Variants in CERS4 observed in about 807,000 individuals in gnomAD.
The protein encoded by CERS4 is ceramide synthase 4.
A neutral mutation model predicts 51.8 loss-of-function variants in CERS4; 65 were observed. That is an observed-to-expected ratio of 1.26 (90% CI 1.03 to 1.54). The LOEUF (loss-of-function observed/expected upper bound fraction) is 1.54. Among genes scored for constraint, CERS4 ranks in the 40% most tolerant of loss-of-function variants. The pLI, the probability that CERS4 is intolerant of heterozygous loss-of-function variation, is 0.00. For missense variants in CERS4, 563 were observed against 500.4 expected (o/e 1.13, Z -1.19); for synonymous variants, 228 against 208.4 (o/e 1.09, Z -0.81).
chr19:8,257,267 G>A, intron 9 of CERS4, 190 bp downstream of exon 9: 1 of 611,308 alleles, frequency 1.6e-6, no homozygotes, highest in Non-Finnish European at 2.7e-6. Flanking sequence ...CTGTCTTCCT[G>A]GGTGATGAAG....
rs1392716230 is a variant in CERS4, at chr19:8,262,120, C to T, written c.*11C>T. On this transcript the variant is annotated 3_prime_UTR_variant, in exon 12 of 12. Coordinates refer to ENST00000251363, the MANE Select transcript of CERS4 (RefSeq NM_024552.3). ...ACAACAGCCACATAGCCGGGCGGGG[C>T]TGGCTGTAAGGGGTTGCCCCCCCGC... 1 of 1,450,794 alleles carries T rather than the reference C, an allele frequency of 6.9e-7. No individual in the cohort carries two copies. Among genetic ancestry groups the T allele is most frequent in the Admixed American group, 2.9e-5 (1 of 35,044 alleles). 89.9% of individuals were successfully genotyped at this position (1,450,794 alleles called of 1,614,324 possible).
At chr19:8,242,822 T>C (rs894942408) in intron 2 of CERS4, among the ~76,000 whole-genome samples, 2 of 152,072 alleles carry the variant, frequency 1.3e-5, no homozygotes, top group South Asian at 4.2e-4. Context: ...CTGGTGGGCA[T>C]TGAAGCTGGG....
intron 8 of CERS4, 59 bp downstream of exon 8, chr19:8,256,769 G>T: frequency 1.3e-6 from 2 of 1,583,520 alleles, no homozygotes; most frequent in East Asian, 2.2e-5. Flanking sequence ...GGGGTGCTGG[G>T]GGGTAGGGCA....
intron 2 of CERS4, among the ~76,000 whole-genome samples, chr19:8,213,516 C>T (rs1164887122): frequency 4.6e-5 from 7 of 152,048 alleles, no homozygotes; most frequent in Non-Finnish European, 7.4e-5. Flanking sequence ...CTATGTTGCC[C>T]GGGCTGGTCT....
chr19:8,214,954 GAGGAGGGGGAGGAGGAGAAAA>G (rs1967232078), intron 2 of CERS4, among the ~76,000 whole-genome samples: 1 of 146,080 alleles, frequency 6.8e-6, no homozygotes, highest in Admixed American at 6.9e-5. Flanking sequence ...GGAGGAGAGG[GAGGAGGGGGAGGAGGAGAAAA>G]AGGAAGAGGA....
At chr19:8,221,176 T>C (rs1221864418) in intron 2 of CERS4, among the ~76,000 whole-genome samples, 1 of 151,304 alleles carries the variant, frequency 6.6e-6, no homozygotes, top group Non-Finnish European at 1.5e-5. Context: ...GCTATGTTGC[T>C]CAGGCTGGTC....
At chr19:8,230,970 G>A (rs1171462868) in intron 2 of CERS4, among the ~76,000 whole-genome samples, 1 of 152,102 alleles carries the variant, frequency 6.6e-6, no homozygotes, top group Non-Finnish European at 1.5e-5. Flanking sequence ...CCCCCAAGTA[G>A]CTGGGACTAC....
At chr19:8,244,074 G>A (rs931293663) in intron 2 of CERS4, among the ~76,000 whole-genome samples, 4 of 152,338 alleles carry the variant, frequency 2.6e-5, no homozygotes, top group Admixed American at 6.5e-5. Context: ...TGAAGAAGAC[G>A]GAGGCAGGAG....
intron 2 of CERS4, among the ~76,000 whole-genome samples, chr19:8,221,521 A>C (rs970994417): frequency 6.6e-6 from 1 of 151,788 alleles, no homozygotes; most frequent in Non-Finnish European, 1.5e-5. Flanking sequence ...GTAAACAAAC[A>C]ATGTGAGCCT....
At chr19:8,211,611 G>C (rs1967087254) in intron 2 of CERS4, among the ~76,000 whole-genome samples, 1 of 152,184 alleles carries the variant, frequency 6.6e-6, no homozygotes, top group Non-Finnish European at 1.5e-5. Context: ...TCACGGAGGG[G>C]CTGGGCGTGG....
Position 8,255,816 on chromosome 19 carries a change from C to G in CERS4, c.411-6C>G. 6.2e-7 allele frequency: 1 copy of G among 1,613,966 alleles called. No homozygotes were observed. Among genetic ancestry groups the G allele is most frequent in the South Asian group, 1.1e-5 (1 of 91,084 alleles). ...GCTATTTTCACAGCTCCCTCCCCATCCACAGCTGGAGGTTTCTCTTCTACC... is the reference window on the plus strand; with the variant it reads ...GCTATTTTCACAGCTCCCTCCCCATGCACAGCTGGAGGTTTCTCTTCTACC... On this transcript the variant is annotated splice_polypyrimidine_tract_variant and splice_region_variant and intron_variant, in intron 5 of 11. Coordinates refer to ENST00000251363, the MANE Select transcript of CERS4 (RefSeq NM_024552.3).
At position 8,256,270 on chromosome 19, in the gene CERS4, A is replaced by G; in HGVS notation, c.503A>G (p.Asp168Gly). 1 of 1,613,574 alleles carries G rather than the reference A, an allele frequency of 6.2e-7. No homozygotes were observed. Among genetic ancestry groups the G allele is most frequent in the Non-Finnish European group, 8.5e-7 (1 of 1,179,816 alleles). ...CTGTGGGCACCAGTAATGTGCTGGG[A>G]CAGGTACCCAAACCAGGTGAGTGGC... The part of the protein sequence containing the change: ...SWLWAPVMCW[D>G]RYPNQTLKPS... The change falls in exon 7 of 12, where the codon GAC (aspartate) becomes GGC (glycine). Residue 168 changes from aspartate (D) to glycine (G), a missense_variant. Transcript: ENST00000251363.
intron 2 of CERS4, among the ~76,000 whole-genome samples, chr19:8,232,112 G>A (rs1302896617): frequency 6.6e-6 from 1 of 151,592 alleles, no homozygotes; most frequent in Non-Finnish European, 1.5e-5. Context: ...TTATAGGCAT[G>A]AGTTACGACA....
chr19:8,220,601 G>A (rs1182398861), intron 2 of CERS4, among the ~76,000 whole-genome samples: 3 of 151,970 alleles, frequency 2.0e-5, no homozygotes, highest in Admixed American at 6.6e-5. Context: ...CACCGCGTCC[G>A]GCTGAGCCTC....
In CERS4 at chr19:8,255,831, T is replaced by G. The variant is rs1007653305; in HGVS notation, c.420T>G (p.Phe140Leu). The change falls in exon 6 of 12, where the codon TTT (phenylalanine) becomes TTG (leucine). Residue 140 changes from phenylalanine (F) to leucine (L), a missense_variant. Coordinates refer to ENST00000251363, the MANE Select transcript of CERS4 (RefSeq NM_024552.3). ...CCCTCCCCATCCACAGCTGGAGGTTTCTCTTCTACCTGTCCTCCTTCGTGG... is the reference window on the plus strand; with the variant it reads ...CCCTCCCCATCCACAGCTGGAGGTTGCTCTTCTACCTGTCCTCCTTCGTGG... Reference protein sequence around the residue: ...TKKFCEASWRFLFYLSSFVGG... With the variant: ...TKKFCEASWRLLFYLSSFVGG... 3.1e-6 allele frequency: 5 copies of G among 1,613,874 alleles called. No individual in the cohort carries two copies. The African/African-American group carries it at 5.3e-5, about 17-fold the overall frequency.
chr19:8,243,226 G>A, intron 2 of CERS4, among the ~76,000 whole-genome samples: 1 of 150,618 alleles, frequency 6.6e-6, no homozygotes, highest in Non-Finnish European at 1.5e-5. Context: ...AAAAAAAATA[G>A]GGGATTGCAG....
intron 9 of CERS4, 28 bp from the exon 10 acceptor site, chr19:8,257,851 G>A (rs745769810): frequency 6.3e-7 from 1 of 1,578,626 alleles, no homozygotes; most frequent in Non-Finnish European, 8.7e-7. Flanking sequence ...CTGGTCCTGA[G>A]CCCATTTCTC....
intron 10 of CERS4, among the ~76,000 whole-genome samples, chr19:8,260,405 A>C (rs1599602476): frequency 1.4e-5 from 2 of 142,252 alleles, no homozygotes; most frequent in Non-Finnish European, 3.1e-5. Flanking sequence ...TGGGGGTTTC[A>C]CCATGTTGGC....
At chr19:8,257,120 A>T in intron 9 of CERS4, 43 bp downstream of exon 9, 21 of 1,541,306 alleles carry the variant, frequency 1.4e-5, no homozygotes, top group Non-Finnish European at 1.8e-5. Flanking sequence ...TGCTGTACCC[A>T]GCCCTCCCAG....
Sources: allele counts gnomAD v4.1 joint callset (sites outside exome capture counted in the v4.1 genomes callset), GRCh38; gene constraint gnomAD v4.1.1; transcripts MANE v1.5; gene names NCBI Gene and HGNC (gene_info 2026-07-23, HGNC 2026-07-21).